Variants in NALF1 observed in about 807,000 individuals in gnomAD.
NALF1 encodes the protein NALCN channel auxiliary factor 1.
NALF1 carries 3 observed loss-of-function variants against 48.4 expected under a neutral mutation model. The ratio of observed to expected loss-of-function variants is 0.06; its 90% confidence interval spans 0.03 to 0.16. The LOEUF is 0.16. Ranked by LOEUF, NALF1 falls within the 10% of genes least tolerant of loss-of-function variation. NALF1 has a pLI of 1.00. For missense variants in NALF1, 526 were observed against 571.5 expected, an observed-to-expected ratio of 0.92 and a Z score of 0.81; for synonymous variants, 262 against 245.7, an observed-to-expected ratio of 1.07 and a Z score of -0.62.
chr13:107,815,028 A>G (rs563162664), intron 1 of NALF1, among the ~76,000 whole-genome samples: 10 of 152,246 alleles, frequency 6.6e-5, no homozygotes, highest in Non-Finnish European at 1.2e-4. Context: ...GACCTAAAAA[A>G]TAAAAGCTAA....
intron 1 of NALF1, among the ~76,000 whole-genome samples, chr13:107,719,221 C>A (rs112425001): frequency 0.024 from 3,695 of 152,274 alleles, 54 homozygotes; most frequent in Non-Finnish European, 0.04. Flanking sequence ...CAGAGATTAT[C>A]AATTACCTTG....
chr13:107,369,868 A>G (rs538611485), intron 1 of NALF1, among the ~76,000 whole-genome samples: 16 of 152,336 alleles, frequency 1.1e-4, no homozygotes, highest in African/African-American at 3.6e-4. Context: ...AGGCCAATGT[A>G]AGATGATAGT....
At chr13:107,450,682 C>T (rs566667421) in intron 1 of NALF1, among the ~76,000 whole-genome samples, 12 of 152,178 alleles carry the variant, frequency 7.9e-5, no homozygotes, top group Non-Finnish European at 1.5e-4. Flanking sequence ...GAATCCCCAG[C>T]GTCTGTGGCC....
chr13:107,605,038 T>C (rs1228609258), intron 1 of NALF1, among the ~76,000 whole-genome samples: 4 of 152,182 alleles, frequency 2.6e-5, no homozygotes, highest in African/African-American at 9.7e-5. Flanking sequence ...AAACTGATGA[T>C]TAGAAATTCC....
At chr13:107,380,003 G>A (rs1178964208) in intron 1 of NALF1, among the ~76,000 whole-genome samples, 1 of 152,102 alleles carries the variant, frequency 6.6e-6, no homozygotes, top group Non-Finnish European at 1.5e-5. Flanking sequence ...TTTATTAACT[G>A]TTATTGAGTT....
At chr13:107,365,156 C>G (rs923820756) in intron 1 of NALF1, among the ~76,000 whole-genome samples, 3 of 151,090 alleles carry the variant, frequency 2.0e-5, no homozygotes, top group Non-Finnish European at 4.4e-5. Flanking sequence ...AACAAGATCC[C>G]TTGAAAACGC....
intron 1 of NALF1, among the ~76,000 whole-genome samples, chr13:107,649,550 T>A (rs1880395729): frequency 6.6e-6 from 1 of 152,204 alleles, no homozygotes; most frequent in African/African-American, 2.4e-5. Flanking sequence ...TTCATATAAA[T>A]TACCTTTCAT....
At chr13:107,383,713 G>C (rs1300960870) in intron 1 of NALF1, among the ~76,000 whole-genome samples, 2 of 152,198 alleles carry the variant, frequency 1.3e-5, no homozygotes, top group African/African-American at 4.8e-5. Flanking sequence ...TGCACCAGAA[G>C]ACCAATTTGC....
chr13:107,393,038 AG>A lies in NALF1; in HGVS notation c.916-182284del, dbSNP rs529354205. Reference sequence around the variant, plus strand: ...AATAATGGCTCATTTTAGGAACTAAAGGAACACTAGTGTGTAGCACAGCATC... The same window carrying A: ...AATAATGGCTCATTTTAGGAACTAAAGAACACTAGTGTGTAGCACAGCATC... On this transcript the variant is annotated intron_variant, in intron 1 of 2. Transcript: ENST00000375915. 2.1e-3 allele frequency among the ~76,000 whole-genome samples: 325 copies of A among 152,288 alleles called. 1 individual carries two copies. Among genetic ancestry groups the A allele is most frequent in the African/African-American group, 5.8e-3 (241 of 41,566 alleles).
chr13:107,377,866 T>C (rs1274252476), intron 1 of NALF1, among the ~76,000 whole-genome samples: 1 of 152,182 alleles, frequency 6.6e-6, no homozygotes, highest in Admixed American at 6.6e-5. Context: ...TTGGATGAGC[T>C]CTAAATTATT....
intron 1 of NALF1, among the ~76,000 whole-genome samples, chr13:107,371,425 A>G (rs1883246648): frequency 6.6e-6 from 1 of 151,688 alleles, no homozygotes; most frequent in African/African-American, 2.4e-5. Context: ...CAGCCTATGT[A>G]AGAGAGTGAG....
At chr13:107,618,957 A>G (rs1308450238) in intron 1 of NALF1, among the ~76,000 whole-genome samples, 2 of 152,158 alleles carry the variant, frequency 1.3e-5, no homozygotes. Flanking sequence ...TTGCTACCTT[A>G]GGGGATCCTC....
intron 1 of NALF1, among the ~76,000 whole-genome samples, chr13:107,272,307 C>T (rs567914908): frequency 0.013 from 348 of 25,986 alleles, 139 homozygotes; most frequent in Non-Finnish European, 0.03. Context: ...CTCCGCTTCC[C>T]GGGTTCACGC....
intron 1 of NALF1, among the ~76,000 whole-genome samples, chr13:107,561,335 T>C (rs1026675326): frequency 6.6e-6 from 1 of 152,200 alleles, no homozygotes; most frequent in African/African-American, 2.4e-5. Context: ...TTTACTTGTT[T>C]TTTCCTGACA....
chr13:107,737,277 G>A (rs1876494072), intron 1 of NALF1, among the ~76,000 whole-genome samples: 1 of 152,072 alleles, frequency 6.6e-6, no homozygotes, highest in South Asian at 2.1e-4. Context: ...CTACAGTCTA[G>A]CTAACAATAA....
chr13:107,417,058 G>C (rs1459280548), intron 1 of NALF1, among the ~76,000 whole-genome samples: 2 of 152,180 alleles, frequency 1.3e-5, no homozygotes, highest in Non-Finnish European at 2.9e-5. Flanking sequence ...ATCCCATCCC[G>C]ACATTATCCA....
intron 1 of NALF1, among the ~76,000 whole-genome samples, chr13:107,406,619 T>A (rs905056306): frequency 3.3e-5 from 5 of 152,016 alleles, no homozygotes; most frequent in African/African-American, 4.8e-5. Flanking sequence ...AGACAATCTC[T>A]ATCTCTATTT....
intron 1 of NALF1, among the ~76,000 whole-genome samples, chr13:107,727,510 A>G (rs902321864): frequency 1.1e-4 from 16 of 152,302 alleles, no homozygotes; most frequent in Admixed American, 3.9e-4. Flanking sequence ...CCTTGAGTCC[A>G]GCAGTGGGAC....
intron 1 of NALF1, among the ~76,000 whole-genome samples, chr13:107,768,560 A>G (rs978431494): frequency 6.6e-6 from 1 of 152,208 alleles, no homozygotes; most frequent in Non-Finnish European, 1.5e-5. Flanking sequence ...GAACAGGATG[A>G]ACAATTGGAA....
Sources: allele counts gnomAD v4.1 joint callset (sites outside exome capture counted in the v4.1 genomes callset), GRCh38; gene constraint gnomAD v4.1.1; transcripts MANE v1.5; gene names NCBI Gene and HGNC (gene_info 2026-07-23, HGNC 2026-07-21).